Variants in ATP13A1 observed in about 807,000 individuals in gnomAD.
ATP13A1 encodes the protein endoplasmic reticulum transmembrane helix translocase.
A neutral mutation model predicts 134.8 loss-of-function variants in ATP13A1; 55 were observed. The observed-to-expected ratio is 0.41, with a 90% CI of 0.33 to 0.51. The LOEUF (loss-of-function observed/expected upper bound fraction) is 0.51. ATP13A1 is among the 20% of genes least tolerant of loss of function. The pLI is 0.29. For missense variants in ATP13A1, 1,389 were observed against 1,652.8 expected (o/e 0.84, Z 2.77); for synonymous variants, 775 against 725.1 (o/e 1.07, Z -1.10).
Position 19,645,988 on chromosome 19 carries a change from G to C in ATP13A1, c.3249-3C>G. 1 of 1,611,110 alleles carries C rather than the reference G, an allele frequency of 6.2e-7. No individual in the cohort carries two copies. Among genetic ancestry groups the C allele is most frequent in the Non-Finnish European group, 8.5e-7 (1 of 1,179,816 alleles). On this transcript the variant is annotated splice_region_variant and splice_polypyrimidine_tract_variant and intron_variant, in intron 23 of 25. Coordinates refer to ENST00000357324, the MANE Select transcript of ATP13A1 (RefSeq NM_020410.3). The surrounding 1 kb of genome is among the most constrained non-coding windows in gnomAD (Gnocchi z 4.1). Reference sequence around the variant, plus strand: ...ACAAGTCCACGAACTGCTCCTGCCTGCAAGGACACATGGGAGTCAGGGCCC... The same window carrying C: ...ACAAGTCCACGAACTGCTCCTGCCTCCAAGGACACATGGGAGTCAGGGCCC...
intron 3 of ATP13A1, among the ~76,000 whole-genome samples, chr19:19,658,437 A>C (rs1214022694): frequency 6.6e-6 from 1 of 152,218 alleles, no homozygotes; most frequent in Non-Finnish European, 1.5e-5. Flanking sequence ...TAGTTGCCAC[A>C]GGCCATTAAT....
At position 19,659,884 on chromosome 19, in the gene ATP13A1, C is replaced by G. The variant is rs996756303; in HGVS notation, c.486+14G>C. On this transcript the variant is annotated intron_variant, in intron 2 of 25. Transcript: ENST00000357324. ...TCAAGCCCCTCCTCCAGGAGCCCAGCAGGCAGTCCCTACCTCATTGCGGTG... is the reference window on the plus strand; with the variant it reads ...TCAAGCCCCTCCTCCAGGAGCCCAGGAGGCAGTCCCTACCTCATTGCGGTG... 5 of 1,587,696 alleles carry G rather than the reference C, an allele frequency of 3.1e-6. No individual in the cohort carries two copies. Among genetic ancestry groups the G allele is most frequent in the African/African-American group, 2.7e-5 (2 of 74,066 alleles).
Position 19,653,526 on chromosome 19 carries a change from A to T in ATP13A1, c.2100+258T>A, listed in dbSNP as rs1279974018. The T allele has an allele frequency of 1.5e-5, 8 of 527,596 alleles. No individual in the cohort carries two copies. The highest frequency in any genetic ancestry group is 3.3e-5 in the East Asian group (1 of 30,362). 32.7% of individuals were successfully genotyped at this position (527,596 alleles called of 1,614,324 possible). A position where few individuals can be genotyped will look rare whatever the true frequency, so the allele number is the denominator to read the frequency against. ...CTAGCCCTGCCCAAGACCAGGGCAA[A>T]AGAGTAGAGCTAGGGACACACCAGG... On this transcript the variant is annotated intron_variant, in intron 15 of 25. Transcript: ENST00000357324. The surrounding 1 kb of genome is among the most constrained non-coding windows in gnomAD (Gnocchi z 4.2).
chr19:19,649,296 G>A (rs565704599), intron 19 of ATP13A1, among the ~76,000 whole-genome samples: 1 of 152,302 alleles, frequency 6.6e-6, no homozygotes, highest in South Asian at 2.1e-4. Context: ...CTGGGGCTAT[G>A]AACCATCTTC....
At chr19:19,651,358 G>A (rs932107217) in intron 17 of ATP13A1, 5 of 202,108 alleles carry the variant, frequency 2.5e-5, no homozygotes, top group Non-Finnish European at 5.0e-5. Flanking sequence ...GGCCAAAGAG[G>A]GTGTGAAATG....
Position 19,652,639 on chromosome 19 carries a change from C to T in ATP13A1, c.2182G>A (p.Asp728Asn). 1.9e-6 allele frequency: 3 copies of T among 1,608,612 alleles called. No individual in the cohort carries two copies. Among genetic ancestry groups the T allele is most frequent in the Non-Finnish European group, 1.7e-6 (2 of 1,177,848 alleles). Residue 728 changes from aspartate to asparagine, a missense_variant, in exon 16 of 26, where the codon GAC (aspartate) becomes AAC (asparagine). Transcript: ENST00000357324. The part of the protein sequence containing the change: ...FIVVSCPLKA[D>N]SKAVIREIQN... ...ATCTCCCGGATCACGGCCTTGGAGTCAGCCTTGAGCGGGCAGGAGACCACA... is the reference window on the plus strand; with the variant it reads ...ATCTCCCGGATCACGGCCTTGGAGTTAGCCTTGAGCGGGCAGGAGACCACA...
chr19:19,652,558 T>C, intron 16 of ATP13A1, 37 bp downstream of exon 16: 1 of 1,591,304 alleles, frequency 6.3e-7, no homozygotes, highest in Non-Finnish European at 8.6e-7. Flanking sequence ...CGCCTCTATT[T>C]CCCATGCAGA....
In ATP13A1 at chr19:19,655,838, A is replaced by T. The variant is rs2062054008; in HGVS notation, c.1269+40T>A. On this transcript the variant is annotated intron_variant, in intron 9 of 25. Coordinates refer to ENST00000357324, the MANE Select transcript of ATP13A1 (RefSeq NM_020410.3). The surrounding 1 kb of genome is among the most constrained non-coding windows in gnomAD (Gnocchi z 5.7). ...AAAGGGCTGATACCTTGGCTGTCCA[A>T]CTGCCCTGGGGCCCGCCCTCCCCAG... 10 of 1,554,252 alleles carry T rather than the reference A, an allele frequency of 6.4e-6. No individual in the cohort carries two copies. Among genetic ancestry groups the T allele is most frequent in the Non-Finnish European group, 8.7e-6 (10 of 1,155,202 alleles).
chr19:19,661,254 C>G (rs1009908625), intron 1 of ATP13A1, among the ~76,000 whole-genome samples: 1 of 152,148 alleles, frequency 6.6e-6, no homozygotes, highest in Non-Finnish European at 1.5e-5. Flanking sequence ...CCACCCAGTA[C>G]GTCCTCAATT....
At chr19:19,658,132 G>C (rs1042084454) in intron 3 of ATP13A1, among the ~76,000 whole-genome samples, 1 of 119,192 alleles carries the variant, frequency 8.4e-6, no homozygotes, top group African/African-American at 3.3e-5. Flanking sequence ...CTGGGTAACA[G>C]AGTAAGACCC....
chr19:19,647,390 G>T lies in ATP13A1; in HGVS notation c.2908+24C>A. 6.2e-7 allele frequency: 1 copy of T among 1,608,586 alleles called. No individual in the cohort carries two copies. The highest frequency in any genetic ancestry group is 2.2e-5 in the East Asian group (1 of 44,802). On this transcript the variant is annotated intron_variant, in intron 21 of 25. Transcript: ENST00000357324. This position sits in a 1 kb window ranked among gnomAD's most constrained non-coding sequence, Gnocchi z 4.8. ...GGTGCCAAGGGGGGAATGAAGGGAG[G>T]GGGAGCGGGGGCAGGCAACTCACTG...
intron 1 of ATP13A1, among the ~76,000 whole-genome samples, chr19:19,661,773 T>TG (rs1247464866): frequency 6.6e-6 from 1 of 152,080 alleles, no homozygotes; most frequent in Non-Finnish European, 1.5e-5. Context: ...TGCATGGAGA[T>TG]GGGGGGAGCA....
chr19:19,661,825 T>G (rs2062096657), intron 1 of ATP13A1, among the ~76,000 whole-genome samples: 1 of 152,054 alleles, frequency 6.6e-6, no homozygotes, highest in Non-Finnish European at 1.5e-5. Context: ...GCACGGGTGG[T>G]TCATGGGCCT....
chr19:19,647,050 A>T lies in ATP13A1; in HGVS notation c.3105+79T>A. The T allele has an allele frequency of 6.9e-7, 1 of 1,446,106 alleles. No individual in the cohort carries two copies. Among genetic ancestry groups the T allele is most frequent in the Non-Finnish European group, 9.3e-7 (1 of 1,071,420 alleles). 89.6% of individuals were successfully genotyped at this position (1,446,106 alleles called of 1,614,324 possible). A position where few individuals can be genotyped will look rare whatever the true frequency, so the allele number is the denominator to read the frequency against. The stretch of plus-strand genomic sequence containing the variant: ...GGGCCCTGGGTCCTGTAACTTGGGG[A>T]TGACAATTCCCGTGCCTATATCAGC... On this transcript the variant is annotated intron_variant, in intron 22 of 25. Transcript: ENST00000357324. This position sits in a 1 kb window ranked among gnomAD's most constrained non-coding sequence, Gnocchi z 4.8.
chr19:19,651,534 C>T (rs962053335), intron 17 of ATP13A1, 155 bp downstream of exon 17: 16 of 552,458 alleles, frequency 2.9e-5, no homozygotes, highest in South Asian at 7.2e-5. Context: ...ACATGCTGTC[C>T]GAGGTGCCCA....
At chr19:19,651,826 A>C in intron 16 of ATP13A1, 29 bp from the exon 17 acceptor site, 1 of 1,567,238 alleles carries the variant, frequency 6.4e-7, no homozygotes, top group Non-Finnish European at 8.8e-7. Flanking sequence ...GAGGCTCAGC[A>C]TGGCACCCTG....
At chr19:19,659,812 G>A in intron 2 of ATP13A1, 21 bp from the exon 3 acceptor site, 1 of 1,610,268 alleles carries the variant, frequency 6.2e-7, no homozygotes. Flanking sequence ...AGGTGTGTTT[G>A]CCACAGAGGC....
At chr19:19,646,381 C>G (rs1323020412) in intron 22 of ATP13A1, 34 bp from the exon 23 acceptor site, 5 of 1,612,432 alleles carry the variant, frequency 3.1e-6, no homozygotes. Context: ...GAGTCAGGAT[C>G]TGGCTCACTT....
Position 19,645,843 on chromosome 19 carries a change from A to C in ATP13A1, c.3360+31T>G. 1 of 1,612,626 alleles carries C rather than the reference A, an allele frequency of 6.2e-7. No individual in the cohort carries two copies. Among genetic ancestry groups the C allele is most frequent in the Non-Finnish European group, 8.5e-7 (1 of 1,179,224 alleles). On this transcript the variant is annotated intron_variant, in intron 24 of 25. Coordinates refer to ENST00000357324, the MANE Select transcript of ATP13A1 (RefSeq NM_020410.3). This position sits in a 1 kb window ranked among gnomAD's most constrained non-coding sequence, Gnocchi z 4.1. ...ATGGGGTGGGGCTGGGTGGGCAGAC[A>C]GTGAATGTTTGGGCAGGGCCCAGGC...
Sources: allele counts gnomAD v4.1 joint callset (sites outside exome capture counted in the v4.1 genomes callset), GRCh38; gene constraint gnomAD v4.1.1; non-coding constraint Gnocchi (gnomAD v3.1); transcripts MANE v1.5; gene names NCBI Gene and HGNC (gene_info 2026-07-23, HGNC 2026-07-21).